The following SYNE3 variants were observed in gnomAD, a reference collection of about 807,000 sequenced individuals.
SYNE3 encodes the protein spectrin repeat containing nuclear envelope family member 3.
A neutral mutation model predicts 111.2 loss-of-function variants in SYNE3; 100 were observed. The ratio of observed to expected loss-of-function variants is 0.90; its 90% CI spans 0.77 to 1.06. SYNE3 has a LOEUF of 1.06. Among genes scored for constraint, SYNE3 ranks in the 50% least tolerant of loss-of-function variants. The pLI is 0.00. For missense variants in SYNE3, 1,160 were observed against 1,240.3 expected (o/e 0.94, Z 0.97); for synonymous variants, 547 against 533.9 (o/e 1.02, Z -0.34).
chr14:95,457,056 G>A (rs1887489119), intron 5 of SYNE3, 121 bp downstream of exon 5: 1 of 1,365,026 alleles, frequency 7.3e-7, no homozygotes, highest in Non-Finnish European at 9.8e-7. Flanking sequence ...CTGCACTCCA[G>A]CCTGAGCAAC....
At chr14:95,498,378 C>T (rs928985188) in intron 1 of SYNE3, among the ~76,000 whole-genome samples, 2 of 152,096 alleles carry the variant, frequency 1.3e-5, no homozygotes, top group Non-Finnish European at 2.9e-5. Context: ...ACCACCATAG[C>T]CAGCTAATTT....
In SYNE3 at chr14:95,410,050, C is replaced by A. The variant is rs3742343; in HGVS notation, c.*7776G>T. On this transcript the variant is annotated 3_prime_UTR_variant, in exon 18 of 18. Transcript: ENST00000682763. ...CAAAAGCTTAGCCCTGGGTGCTCAC[C>A]GCCAGGACAAAGACGGGAGGGGCTG... 0.18 allele frequency: 27,480 copies of A among 153,338 alleles called. 2,510 individuals are homozygous for A. The highest frequency in any genetic ancestry group is 0.25 in the Admixed American group (3,909 of 15,466). 9.5% of individuals were successfully genotyped at this position (153,338 alleles called of 1,614,324 possible).
chr14:95,504,703 G>A (rs905993439), intron 1 of SYNE3, among the ~76,000 whole-genome samples: 6 of 152,156 alleles, frequency 3.9e-5, no homozygotes, highest in South Asian at 4.1e-4. Context: ...ATAGGAGGCC[G>A]GGCACAGTGG....
intron 1 of SYNE3, among the ~76,000 whole-genome samples, chr14:95,508,563 C>T (rs1032716946): frequency 4.6e-5 from 7 of 152,204 alleles, no homozygotes; most frequent in Non-Finnish European, 7.3e-5. Flanking sequence ...AGTGCCACTG[C>T]GTGGGCAGGA....
Position 95,409,300 on chromosome 14 carries a change from T to C in SYNE3, c.*8526A>G. 1 of 456,784 alleles carries C rather than the reference T, an allele frequency of 2.2e-6. No homozygotes were observed. Among genetic ancestry groups the C allele is most frequent in the South Asian group, 1.5e-5 (1 of 64,574 alleles). The allele number at this position is 456,784 out of a possible 1,614,324, so 28.3% of individuals were successfully genotyped here. The stretch of plus-strand genomic sequence containing the variant: ...CTCCATAGCACAGGCTTTTTGAAAG[T>C]GTCATGACCATATTGCAGGCGCTCG... On this transcript the variant is annotated 3_prime_UTR_variant, in exon 18 of 18. Transcript: ENST00000682763.
Position 95,499,006 on chromosome 14 carries a change from G to A in SYNE3, c.-15+17590C>T, listed in dbSNP as rs556968712. Among the ~76,000 whole-genome samples, 75 of 152,354 alleles carry A rather than the reference G, an allele frequency of 4.9e-4. 1 individual carries two copies. Among genetic ancestry groups the A allele is most frequent in the South Asian group, 1.0e-3 (5 of 4,826 alleles). On this transcript the variant is annotated intron_variant, in intron 1 of 17. Coordinates refer to ENST00000682763, the MANE Select transcript of SYNE3 (RefSeq NM_152592.6). Reference sequence around the variant, plus strand: ...AATTTAATAACTGGCACCCCAGCCTGAGAAACGGCAGGGTTCATTTCAAAT... The same window carrying A: ...AATTTAATAACTGGCACCCCAGCCTAAGAAACGGCAGGGTTCATTTCAAAT...
In SYNE3 at chr14:95,433,348, G is replaced by A. The variant is rs1885900195; in HGVS notation, c.2600C>T (p.Pro867Leu). The change falls in exon 16 of 18, where the codon CCA becomes CTA. Residue 867 changes from proline to leucine, a missense_variant. Transcript: ENST00000682763. ...HLFENLLRLGPARGTSDELED... is the reference protein window; with the variant it reads ...HLFENLLRLGLARGTSDELED... ...CAGCTCATCCGAGGTCCCCCTTGCT[G>A]GCCCGAGACGAAGGAGGTTCTCAAA... The A allele has an allele frequency of 6.2e-7, 1 of 1,614,112 alleles. No homozygotes were observed. Among genetic ancestry groups the A allele is most frequent in the Non-Finnish European group, 8.5e-7 (1 of 1,180,014 alleles).
chr14:95,504,225 G>A (rs932721403), intron 1 of SYNE3, among the ~76,000 whole-genome samples: 9 of 152,144 alleles, frequency 5.9e-5, no homozygotes, highest in South Asian at 2.1e-4. Context: ...CTGCTTTCTC[G>A]ATATGATGGA....
rs10547044 is a variant in SYNE3, at chr14:95,499,856, C to CTTTTTTTTTTTTTTTT, written c.-15+16724_-15+16739dup. 5.3e-3 allele frequency among the ~76,000 whole-genome samples: 477 copies of CTTTTTTTTTTTTTTTT among 90,032 alleles called. 49 individuals are homozygous for CTTTTTTTTTTTTTTTT. The highest frequency in any genetic ancestry group is 0.014 in the African/African-American group (292 of 21,248). The allele number at this position is 90,032 out of a possible 152,430, so 59.1% of individuals were successfully genotyped here. ...AATCCCCTGTATCACTAACTCTTGT[C>CTTTTTTTTTTTTTTTT]TTTTTTTTTTTTTTTTTTTTGAGAT... is the stretch of plus-strand genomic sequence containing the variant. On this transcript the variant is annotated intron_variant, in intron 1 of 17. Transcript: ENST00000682763.
Position 95,432,155 on chromosome 14 carries a change from A to G in SYNE3, c.2689-38T>C, listed in dbSNP as rs768745449. Reference sequence around the variant, plus strand: ...GGAAGGAGAGGAAAAGGGGGGAAAAAAATAAGTTAAGTGAGTGAAACTTAA... The same window carrying G: ...GGAAGGAGAGGAAAAGGGGGGAAAAGAATAAGTTAAGTGAGTGAAACTTAA... On this transcript the variant is annotated intron_variant, in intron 16 of 17. Transcript: ENST00000682763. 3.1e-6 allele frequency: 5 copies of G among 1,597,936 alleles called. No individual in the cohort carries two copies. In the South Asian group the frequency reaches 5.6e-5, roughly 18 times the overall value.
At chr14:95,496,524 G>A (rs1217448863) in intron 1 of SYNE3, among the ~76,000 whole-genome samples, 1 of 152,214 alleles carries the variant, frequency 6.6e-6, no homozygotes, top group Non-Finnish European at 1.5e-5. Flanking sequence ...TCATTCCTGG[G>A]ATCGGGGGTG....
intron 1 of SYNE3, among the ~76,000 whole-genome samples, chr14:95,506,067 TA>T (rs949898168): frequency 1.3e-5 from 2 of 152,020 alleles, no homozygotes; most frequent in Admixed American, 6.6e-5. Context: ...AAGAACAAGT[TA>T]AAAAAATTTA....
At position 95,436,979 on chromosome 14, in the gene SYNE3, T is replaced by C; in HGVS notation, c.2379A>G (p.Ala793=). 6.2e-7 allele frequency: 1 copy of C among 1,612,828 alleles called. No homozygotes were observed. The highest frequency in any genetic ancestry group is 8.5e-7 in the Non-Finnish European group (1 of 1,179,482). The change falls in exon 15 of 18, where the codon GCA becomes GCG. Residue 793 remains alanine (A), a splice_region_variant and synonymous_variant. Coordinates refer to ENST00000682763, the MANE Select transcript of SYNE3 (RefSeq NM_152592.6). ...MDPIPRHRRR[A]NLLQEEEGSH... The stretch of plus-strand genomic sequence containing the variant: ...TCCCTTCTTCTTCCTGTAGAAGATT[T>C]GCCTGTAGGATCACACACGGCCAAA...
chr14:95,465,842 T>C (rs1888128554), intron 4 of SYNE3, 89 bp downstream of exon 4: 11 of 1,375,924 alleles, frequency 8.0e-6, no homozygotes, highest in African/African-American at 2.9e-5. Flanking sequence ...AATAGCTTGA[T>C]AGTAGGCAAA....
Position 95,417,924 on chromosome 14 carries a change from G to A in SYNE3, c.2830C>T (p.Leu944Phe), listed in dbSNP as rs750772416. 1 of 1,614,128 alleles carries A rather than the reference G, an allele frequency of 6.2e-7. No individual in the cohort carries two copies. The highest frequency in any genetic ancestry group is 8.5e-7 in the Non-Finnish European group (1 of 1,180,036). ...CTGCGGTCCTCTTCCCTGATTGGGA[G>A]CAGGAACAGCAGGAGGAGGAACAGC... Reference protein sequence around the residue: ...LLLFLLLLFLLPIREEDRSCT... With the variant: ...LLLFLLLLFLFPIREEDRSCT... Residue 944 changes from leucine to phenylalanine, a missense_variant, in exon 18 of 18, where the codon CTC becomes TTC. By Grantham distance (22) the Leu-to-Phe change is conservative (BLOSUM62 0). Transcript: ENST00000682763.
intron 1 of SYNE3, among the ~76,000 whole-genome samples, chr14:95,493,272 C>G (rs1003314634): frequency 2.0e-5 from 3 of 152,172 alleles, no homozygotes; most frequent in Admixed American, 6.5e-5. Context: ...AGTCAATATG[C>G]CCCTCCCTCT....
At chr14:95,513,735 G>A (rs994424606) in intron 1 of SYNE3, among the ~76,000 whole-genome samples, 1 of 46,012 alleles carries the variant, frequency 2.2e-5, no homozygotes, top group Non-Finnish European at 4.1e-5. Flanking sequence ...AGGCTGCTTA[G>A]ATTATATATA....
chr14:95,430,800 T>G (rs1321315567), intron 17 of SYNE3, among the ~76,000 whole-genome samples: 3 of 148,548 alleles, frequency 2.0e-5, no homozygotes, highest in African/African-American at 5.0e-5. Flanking sequence ...CTCCAGCCTG[T>G]GTGACAGGAG....
intron 17 of SYNE3, among the ~76,000 whole-genome samples, chr14:95,429,170 C>T (rs1156838751): frequency 6.6e-6 from 1 of 152,192 alleles, no homozygotes; most frequent in Non-Finnish European, 1.5e-5. Flanking sequence ...GTCGTTGCTC[C>T]CTTCGCTCTC....
Sources: allele counts gnomAD v4.1 joint callset (sites outside exome capture counted in the v4.1 genomes callset), GRCh38; gene constraint gnomAD v4.1.1; transcripts MANE v1.5; gene names NCBI Gene and HGNC (gene_info 2026-07-23, HGNC 2026-07-21).